MEIG1: variants seen among roughly 807,000 people sequenced by gnomAD.
MEIG1 encodes the protein meiosis/spermiogenesis associated 1.
MEIG1 carries 12 observed loss-of-function variants against 11.3 expected under a neutral mutation model. That is an observed-to-expected ratio of 1.07 (90% confidence interval 0.68 to 1.73). The LOEUF is 1.73. Ranked by LOEUF, MEIG1 falls within the 40% of genes most tolerant of loss-of-function variation. The pLI, the probability that MEIG1 is intolerant of heterozygous loss-of-function variation, is 0.00. For synonymous variants in MEIG1, 41 were observed against 33.2 expected, an observed-to-expected ratio of 1.24 and a Z score of -0.81; for missense variants, 119 against 104.9, an observed-to-expected ratio of 1.13 and a Z score of -0.59.
At chr10:14,978,657 C>G (rs758014952) in intron 1 of MEIG1, among the ~76,000 whole-genome samples, 1 of 151,948 alleles carries the variant, frequency 6.6e-6, no homozygotes, top group Non-Finnish European at 1.5e-5. Context: ...GTCTCCTAGA[C>G]GGATGTTACA....
chr10:14,966,063 A>ATTATTTT (rs1554805988), intron 1 of MEIG1, among the ~76,000 whole-genome samples: 2 of 58,092 alleles, frequency 3.4e-5, no homozygotes, highest in Non-Finnish European at 3.4e-5. Context: ...AGTTTTATTT[A>ATTATTTT]TTCTTTTTTT....
chr10:14,976,505 A>G (rs1843211663), downstream of MEIG1, among the ~76,000 whole-genome samples: 1 of 152,034 alleles, frequency 6.6e-6, no homozygotes, highest in Admixed American at 6.6e-5. Flanking sequence ...GTCACCTCTT[A>G]TGTCACAGGG....
chr10:14,961,791 TTTTA>T (rs143111875), intron 1 of MEIG1, among the ~76,000 whole-genome samples: 95,390 of 149,374 alleles, frequency 0.64, 30,776 homozygotes, highest in Admixed American at 0.68. Context: ...AAACGTTTAT[TTTTA>T]TTTATTTATT....
downstream of MEIG1, among the ~76,000 whole-genome samples, chr10:14,975,935 A>G (rs751710682): frequency 2.0e-4 from 30 of 152,160 alleles, no homozygotes; most frequent in Non-Finnish European, 4.1e-4. Flanking sequence ...TGCAAATAGT[A>G]CAGAGGATGT....
chr10:14,982,802 GATA>G (rs1667021835), intron 1 of MEIG1, among the ~76,000 whole-genome samples: 2 of 151,838 alleles, frequency 1.3e-5, no homozygotes, highest in South Asian at 2.1e-4. Flanking sequence ...AATCAATACA[GATA>G]ATAATGAAAA....
At chr10:14,986,160 A>T (rs1321646869) in intron 1 of MEIG1, among the ~76,000 whole-genome samples, 2 of 152,074 alleles carry the variant, frequency 1.3e-5, no homozygotes, top group African/African-American at 4.8e-5. Flanking sequence ...GCATTTTTTA[A>T]CCATGAAATA....
At chr10:14,967,023 G>A (rs1222391859) in intron 2 of MEIG1, among the ~76,000 whole-genome samples, 2 of 152,126 alleles carry the variant, frequency 1.3e-5, no homozygotes. Flanking sequence ...CAATAGCCAG[G>A]ACGCCCAGCC....
At chr10:14,974,620 T>G (rs1159084618), downstream of MEIG1, among the ~76,000 whole-genome samples, 1 of 152,124 alleles carries the variant, frequency 6.6e-6, no homozygotes, top group Non-Finnish European at 1.5e-5. Flanking sequence ...AATTATTAAT[T>G]GAGACTAATA....
rs186864482 is a variant in MEIG1, at chr10:14,986,018, C to G, written n.67-778C>G. ...TTCATCATACTTTAGGGAGATATTGCTTCTAATATCACAGTGGGTGTACCC... is the reference window on the plus strand; with the variant it reads ...TTCATCATACTTTAGGGAGATATTGGTTCTAATATCACAGTGGGTGTACCC... On this transcript the variant is annotated intron_variant and non_coding_transcript_variant, in intron 1 of 2. Transcript: ENST00000467536. Among the ~76,000 whole-genome samples the G allele has an allele frequency of 3.0e-3, 453 of 152,150 alleles. 3 individuals are homozygous for G. Among genetic ancestry groups the G allele is most frequent in the Admixed American group, 8.6e-3 (131 of 15,276 alleles).
At chr10:14,961,122 T>A (rs1459822314) in intron 1 of MEIG1, among the ~76,000 whole-genome samples, 1 of 152,222 alleles carries the variant, frequency 6.6e-6, no homozygotes, top group East Asian at 1.9e-4. Context: ...CGAAAATGCA[T>A]TTAATGCACC....
intron 2 of MEIG1, chr10:14,987,237 G>A: frequency 1.1e-6 from 1 of 943,752 alleles, no homozygotes; most frequent in Non-Finnish European, 1.7e-6. Flanking sequence ...GCCCAGCACA[G>A]GTTGGAGAGG....
downstream of MEIG1, among the ~76,000 whole-genome samples, chr10:14,976,299 CGG>C (rs1843209671): frequency 6.6e-6 from 1 of 151,542 alleles, no homozygotes; most frequent in South Asian, 2.1e-4. Flanking sequence ...TATTATTCAT[CGG>C]GGAATATTAA....
intron 1 of MEIG1, among the ~76,000 whole-genome samples, chr10:14,981,458 G>C (rs1040111101): frequency 5.3e-5 from 8 of 152,134 alleles, no homozygotes; most frequent in Non-Finnish European, 7.4e-5. Context: ...GTACAAGTCC[G>C]AGGCGAGCAG....
intron 1 of MEIG1, among the ~76,000 whole-genome samples, chr10:14,979,712 G>A (rs1425833958): frequency 3.3e-5 from 5 of 151,826 alleles, no homozygotes; most frequent in Non-Finnish European, 7.4e-5. Flanking sequence ...AATGTCATAG[G>A]GTGTGTACAC....
Position 14,983,991 on chromosome 10 carries a change from G to C in MEIG1, n.67-2805G>C, listed in dbSNP as rs114277182. 1.8e-3 allele frequency among the ~76,000 whole-genome samples: 274 copies of C among 152,146 alleles called. 2 individuals carry two copies. The highest frequency in any genetic ancestry group is 6.2e-3 in the African/African-American group (259 of 41,502). ...GATACTACACCCAATGCTGCTGGGG[G>C]TATAAACACTCCCGAGATATTGTTC... On this transcript the variant is annotated intron_variant and non_coding_transcript_variant, in intron 1 of 2. Transcript: ENST00000467536.
At chr10:14,971,175 C>A (rs1043903994) in intron 2 of MEIG1, among the ~76,000 whole-genome samples, 1 of 149,676 alleles carries the variant, frequency 6.7e-6, no homozygotes, top group Non-Finnish European at 1.5e-5. Context: ...TCATTTGAGA[C>A]CAGGAGTTTG....
chr10:14,972,136 C>A, intron 2 of MEIG1, among the ~76,000 whole-genome samples: 1 of 151,874 alleles, frequency 6.6e-6, no homozygotes, highest in East Asian at 1.9e-4. Flanking sequence ...TGCCTCAGCC[C>A]CCTGAGTACC....
At chr10:14,978,377 TG>T (rs1843232080) in intron 1 of MEIG1, among the ~76,000 whole-genome samples, 1 of 151,940 alleles carries the variant, frequency 6.6e-6, no homozygotes. Flanking sequence ...GTCCACACTG[TG>T]ATATTATTAG....
At chr10:14,963,891 G>T (rs1843045499) in intron 1 of MEIG1, among the ~76,000 whole-genome samples, 1 of 152,130 alleles carries the variant, frequency 6.6e-6, no homozygotes, top group Non-Finnish European at 1.5e-5. Flanking sequence ...GAGTTCAGGA[G>T]ATCCAGAACA....
Sources: allele counts gnomAD v4.1 joint callset (sites outside exome capture counted in the v4.1 genomes callset), GRCh38; gene constraint gnomAD v4.1.1; transcripts MANE v1.5; gene names NCBI Gene and HGNC (gene_info 2026-07-23, HGNC 2026-07-21).